ACSL5: variants seen among roughly 807,000 people sequenced by gnomAD.
ACSL5 encodes the protein long-chain-fatty-acid--CoA ligase 5.
In ACSL5, 50 loss-of-function variants were observed where a neutral mutation model predicts 84.9. The ratio of observed to expected loss-of-function variants is 0.59; its 90% CI spans 0.47 to 0.75. ACSL5 has a LOEUF of 0.75. Ranked by LOEUF, ACSL5 falls within the 30% of genes least tolerant of loss-of-function variation. The pLI is 0.00. For missense variants in ACSL5, 775 were observed against 830.4 expected, an observed-to-expected ratio of 0.93 and a Z score of 0.82; for synonymous variants, 280 against 300.7, an observed-to-expected ratio of 0.93 and a Z score of 0.71.
Position 112,422,029 on chromosome 10 carries a change from A to G in ACSL5, c.1470A>G (p.Glu490=). 6.2e-7 allele frequency: 1 copy of G among 1,614,196 alleles called. No homozygotes were observed. Among genetic ancestry groups the G allele is most frequent in the South Asian group, 1.1e-5 (1 of 91,088 alleles). ...TGAACTACTTTACAGTGAATAATGA[A>G]GGAGAGGTGGGTAGGTCATGCCCTG... ...ADMNYFTVNN[E]GEVCIKGTNV... The change falls in exon 16 of 21, where the codon GAA becomes GAG. Residue 490 remains glutamate, a synonymous_variant. Coordinates refer to ENST00000354655, the MANE Select transcript of ACSL5 (RefSeq NM_203379.2).
rs368611030 is a variant in ACSL5, at chr10:112,418,557, G to A, written c.1314+616G>A. ...AGATTGCGCCACTGCACTCCAGCCT[G>A]GGCAACAGAGCAAGACTCCATCTCA... On this transcript the variant is annotated intron_variant, in intron 14 of 20. Transcript: ENST00000354655. Among the ~76,000 whole-genome samples the A allele has an allele frequency of 1.1e-3, 166 of 151,898 alleles. 2 individuals carry two copies. In the South Asian group the frequency reaches 0.028, roughly 26 times the overall value.
intron 17 of ACSL5, among the ~76,000 whole-genome samples, chr10:112,423,393 C>T (rs530833157): frequency 2.0e-5 from 3 of 150,068 alleles, no homozygotes; most frequent in Non-Finnish European, 3.0e-5. Flanking sequence ...GATGGGGTCT[C>T]GCTGAGTTGA....
intron 14 of ACSL5, among the ~76,000 whole-genome samples, chr10:112,418,227 C>T (rs1402982994): frequency 6.6e-6 from 1 of 152,114 alleles, no homozygotes; most frequent in African/African-American, 2.4e-5. Flanking sequence ...GTAGTTGACC[C>T]TTGAACAATG....
intron 3 of ACSL5, among the ~76,000 whole-genome samples, chr10:112,401,794 T>C (rs533006116): frequency 1.6e-3 from 123 of 76,770 alleles, no homozygotes; most frequent in Admixed American, 3.3e-3. Context: ...TTCTCTTTCT[T>C]TCTTTCTTTC....
chr10:112,426,280 T>C lies in ACSL5; in HGVS notation c.1760T>C (p.Val587Ala). Residue 587 changes from valine (V) to alanine (A), a missense_variant, in exon 19 of 21, where the codon GTT becomes GCT. Val to Ala is a moderately conservative substitution (Grantham distance 64). Coordinates refer to ENST00000354655, the MANE Select transcript of ACSL5 (RefSeq NM_203379.2). ...TAGTCATCCTTAGTAGGAGTGGTGG[T>C]TCCTGACACAGATGTACTTCCCTCA... Reference protein sequence around the residue: ...SLRSSLVGVVVPDTDVLPSFA... With the variant: ...SLRSSLVGVVAPDTDVLPSFA... 2 of 1,614,154 alleles carry C rather than the reference T, an allele frequency of 1.2e-6. No individual in the cohort carries two copies.
At chr10:112,408,312 A>AAC in intron 5 of ACSL5, 110 bp from the exon 6 acceptor site, 1 of 735,266 alleles carries the variant, frequency 1.4e-6, no homozygotes, top group Non-Finnish European at 2.3e-6. Flanking sequence ...AAAAAAAAAA[A>AAC]AAGCAAAACA....
chr10:112,421,710 A>G (rs1401731751), intron 15 of ACSL5, 45 bp downstream of exon 15: 1 of 1,565,468 alleles, frequency 6.4e-7, no homozygotes, highest in Admixed American at 1.7e-5. Context: ...GGTTGGGAGA[A>G]AGGTTCTAAC....
chr10:112,416,768 TGACTGTGA>T (rs1844324097), intron 12 of ACSL5, 112 bp from the exon 13 acceptor site: 2 of 1,111,878 alleles, frequency 1.8e-6, no homozygotes, highest in Admixed American at 2.1e-5. Flanking sequence ...ATCCAATTCA[TGACTGTGA>T]GACTGTGAGA....
rs1296411725 is a variant in ACSL5 at position 112,413,219 on chromosome 10, A to C, written c.995A>C (p.Asp332Ala). The change falls in exon 12 of 21, where the codon GAT (aspartate) becomes GCT (alanine). Residue 332 changes from aspartate (D) to alanine (A), a missense_variant. Physicochemically the swap from Asp to Ala is moderately radical, Grantham distance 126. Transcript: ENST00000354655. ...GCCAGAGTTGGATTCTTCCAAGGGG[A>C]TATTCGGTTGCTGGCTGACGACATG... ...CGARVGFFQG[D>A]IRLLADDMKT... is the part of the protein sequence containing the mutation. 1 of 1,614,142 alleles carries C rather than the reference A, an allele frequency of 6.2e-7. No homozygotes were observed. Among genetic ancestry groups the C allele is most frequent in the South Asian group, 1.1e-5 (1 of 91,084 alleles).
chr10:112,388,487 G>A (rs1220641119), intron 1 of ACSL5, among the ~76,000 whole-genome samples: 2 of 152,086 alleles, frequency 1.3e-5, no homozygotes, highest in East Asian at 3.9e-4. Flanking sequence ...TTAAGGGTGG[G>A]GTCTTTGTAC....
chr10:112,410,237 C>G (rs1252480771), intron 7 of ACSL5: 3 of 1,519,576 alleles, frequency 2.0e-6, no homozygotes, highest in South Asian at 1.2e-5. Context: ...GAAGTTTGAA[C>G]ATGCAATCTA....
At chr10:112,422,828 C>T (rs938092952) in intron 17 of ACSL5, among the ~76,000 whole-genome samples, 8 of 148,544 alleles carry the variant, frequency 5.4e-5, no homozygotes, top group African/African-American at 1.5e-4. Flanking sequence ...TGCACTCCAG[C>T]CTGGGTGACA....
At chr10:112,426,990 A>T in intron 20 of ACSL5, 131 bp downstream of exon 20, 14 of 927,158 alleles carry the variant, frequency 1.5e-5, no homozygotes, top group Non-Finnish European at 2.3e-5. Flanking sequence ...CTACAAAATG[A>T]CCTTTTGTAG....
rs1050359686 is a variant in ACSL5, at chr10:112,426,772, T to C, written c.1840-16T>C. On this transcript the variant is annotated splice_polypyrimidine_tract_variant and intron_variant, in intron 19 of 20. Transcript: ENST00000354655. The stretch of plus-strand genomic sequence containing the variant: ...TTTGAAACAGCCATGCTTTAAGTGA[T>C]GTTTTGTATTCTTAGGTTGTAAGGG... The C allele has an allele frequency of 6.2e-7, 1 of 1,611,612 alleles. No homozygotes were observed. Among genetic ancestry groups the C allele is most frequent in the East Asian group, 2.2e-5 (1 of 44,832 alleles).
At chr10:112,417,162 A>T in intron 13 of ACSL5, 140 bp downstream of exon 13, 1 of 658,320 alleles carries the variant, frequency 1.5e-6, no homozygotes, top group South Asian at 2.5e-5. Context: ...GCCTTTTGAG[A>T]TCTTTCTTGT....
Position 112,426,791 on chromosome 10 carries a change from G to A in ACSL5, c.1843G>A (p.Val615Ile), listed in dbSNP as rs1052064923. 6 of 1,613,890 alleles carry A rather than the reference G, an allele frequency of 3.7e-6. No homozygotes were observed. Among genetic ancestry groups the A allele is most frequent in the Non-Finnish European group, 4.2e-6 (5 of 1,179,816 alleles). Residue 615 changes from valine to isoleucine, a missense_variant, in exon 20 of 21, where the codon GTA becomes ATA. By Grantham distance (29) the Val-to-Ile change is conservative. Coordinates refer to ENST00000354655, the MANE Select transcript of ACSL5 (RefSeq NM_203379.2). ...SFEELCQNQV[V>I]REAILEDLQK... ...AAGTGATGTTTTGTATTCTTAGGTT[G>A]TAAGGGAAGCCATTTTAGAAGACTT...
chr10:112,418,004 T>C (rs1589696437), intron 14 of ACSL5, 63 bp downstream of exon 14: 1 of 1,304,742 alleles, frequency 7.7e-7, no homozygotes, highest in East Asian at 2.4e-5. Flanking sequence ...GCTCACTGTT[T>C]AAATAAAAAT....
intron 9 of ACSL5, 124 bp from the exon 10 acceptor site, chr10:112,411,332 C>T (rs1844171317): frequency 1.3e-6 from 1 of 762,470 alleles, no homozygotes; most frequent in South Asian, 1.7e-5. Context: ...CACAAAAAGA[C>T]ACAGTGACAG....
At chr10:112,401,788 CTTTCTTTCTTTCTTTCTTT>C (rs1564736327) in intron 3 of ACSL5, among the ~76,000 whole-genome samples, 1 of 91,106 alleles carries the variant, frequency 1.1e-5, no homozygotes, top group African/African-American at 4.1e-5. Flanking sequence ...CTTTCTTTCT[CTTTCTTTCTTTCTTTCTTT>C]CTTTCTTTCT....
Sources: gnomAD v4.1 joint callset for allele counts (sites outside exome capture counted in the v4.1 genomes callset) on GRCh38, gnomAD v4.1.1 for gene constraint, MANE v1.5 for transcripts, NCBI Gene and HGNC (gene_info 2026-07-23, HGNC 2026-07-21) for gene names.